Variants in ACKR2 observed in about 807,000 individuals in gnomAD.
ACKR2 encodes atypical chemokine receptor 2.
For synonymous variants in ACKR2, 207 were observed against 192.2 expected (o/e 1.08, Z -0.64); for missense variants, 457 against 477.3 (o/e 0.96, Z 0.40).
intron 2 of ACKR2, among the ~76,000 whole-genome samples, chr3:42,837,281 A>G (rs1700995507): frequency 6.6e-6 from 1 of 151,966 alleles, no homozygotes; most frequent in Admixed American, 6.6e-5. Context: ...TAGTGGTGCA[A>G]TCTCAGCTCA....
intron 2 of ACKR2, among the ~76,000 whole-genome samples, chr3:42,840,711 G>A (rs1052136965): frequency 1.3e-5 from 2 of 152,162 alleles, no homozygotes; most frequent in East Asian, 1.9e-4. Context: ...TTGTTGAGAC[G>A]GAGTCTCGCT....
chr3:42,834,183 C>T (rs1700962024), intron 2 of ACKR2, among the ~76,000 whole-genome samples: 1 of 152,168 alleles, frequency 6.6e-6, no homozygotes, highest in Non-Finnish European at 1.5e-5. Context: ...GTCTCGAACT[C>T]CTGACCTCAG....
intron 2 of ACKR2, among the ~76,000 whole-genome samples, chr3:42,820,274 T>C (rs1290692819): frequency 6.6e-6 from 1 of 152,174 alleles, no homozygotes; most frequent in African/African-American, 2.4e-5. Context: ...ACTCTCCGTA[T>C]GTTGATGTTT....
intron 2 of ACKR2, among the ~76,000 whole-genome samples, chr3:42,828,011 G>T (rs925122592): frequency 6.6e-6 from 1 of 150,496 alleles, no homozygotes; most frequent in Admixed American, 6.6e-5. Context: ...AAGTCAACAG[G>T]GAAAGGAAAG....
In ACKR2 at chr3:42,865,102, C is replaced by G; in HGVS notation, c.600C>G (p.Gly200=). The change falls in exon 3 of 3, where the codon GGC becomes GGG. Residue 200 remains glycine (G), a synonymous_variant. Transcript: ENST00000422265. ...KGVWNCHADF[G]GHGTIWKLFL... is the part of the protein sequence containing the mutation. ...TGTGGAACTGCCACGCAGATTTCGG[C>G]GGGCATGGGACCATTTGGAAGCTCT... The G allele has an allele frequency of 6.2e-7, 1 of 1,613,868 alleles. No homozygotes were observed. Among genetic ancestry groups the G allele is most frequent in the Non-Finnish European group, 8.5e-7 (1 of 1,179,906 alleles).
Position 42,864,490 on chromosome 3 carries a change from A to G in ACKR2, c.-13A>G. ...GCACTACAGGACGTCGGGACTGGGC[A>G]TTTCCTTCCAACATGGCCGCCACTG... On this transcript the variant is annotated 5_prime_UTR_variant, in exon 3 of 3. Coordinates refer to ENST00000422265, the MANE Select transcript of ACKR2 (RefSeq NM_001296.5). The G allele has an allele frequency of 6.3e-7, 1 of 1,584,038 alleles. No individual in the cohort carries two copies. Among genetic ancestry groups the G allele is most frequent in the Non-Finnish European group, 8.6e-7 (1 of 1,164,300 alleles).
chr3:42,847,314 G>C (rs1055095342), intron 2 of ACKR2, among the ~76,000 whole-genome samples: 1 of 152,232 alleles, frequency 6.6e-6, no homozygotes, highest in Admixed American at 6.5e-5. Context: ...TGAGTGGCCA[G>C]CGGGGGCCAG....
intron 2 of ACKR2, among the ~76,000 whole-genome samples, chr3:42,857,186 T>C (rs2088330304): frequency 6.6e-6 from 1 of 152,078 alleles, no homozygotes; most frequent in African/African-American, 2.4e-5. Flanking sequence ...ATATGTTTTG[T>C]TTCATTTGTC....
In ACKR2 at chr3:42,864,476, C is replaced by T. The variant is rs762750713; in HGVS notation, c.-27C>T. The T allele has an allele frequency of 1.3e-6, 2 of 1,568,374 alleles. No individual in the cohort carries two copies. Among genetic ancestry groups the T allele is most frequent in the African/African-American group, 1.4e-5 (1 of 73,770 alleles). The stretch of plus-strand genomic sequence containing the variant: ...ATTTTCCCCCCGCAGCACTACAGGA[C>T]GTCGGGACTGGGCATTTCCTTCCAA... On this transcript the variant is annotated 5_prime_UTR_variant, in exon 3 of 3. In the 5' UTR this introduces an upstream ATG that the reference lacks. Coordinates refer to ENST00000422265, the MANE Select transcript of ACKR2 (RefSeq NM_001296.5).
chr3:42,831,030 C>CAA (rs201837698), intron 2 of ACKR2, among the ~76,000 whole-genome samples: 1 of 146,174 alleles, frequency 6.8e-6, no homozygotes, highest in South Asian at 2.1e-4. Flanking sequence ...AAACTTCAGG[C>CAA]AAAAAAAATA....
At chr3:42,860,525 C>T (rs1273698865) in intron 2 of ACKR2, among the ~76,000 whole-genome samples, 5 of 152,180 alleles carry the variant, frequency 3.3e-5, no homozygotes, top group Non-Finnish European at 4.4e-5. Flanking sequence ...CAGAACTCTC[C>T]ACCCTAAATC....
rs754306715 is a variant in ACKR2, at chr3:42,864,967, G to A, written c.465G>A (p.Leu155=). The A allele has an allele frequency of 2.0e-5, 32 of 1,614,032 alleles. No homozygotes were observed. The highest frequency in any genetic ancestry group is 3.3e-4 in the Middle Eastern group (2 of 6,084). The change falls in exon 3 of 3, where the codon CTG becomes CTA. Residue 155 remains leucine, a synonymous_variant. Coordinates refer to ENST00000422265, the MANE Select transcript of ACKR2 (RefSeq NM_001296.5). ...TTCATGCTCAGCCCTACCACAGGCTGAGGACCCGGGCCAAGAGCCTGCTCC... is the reference window on the plus strand; with the variant it reads ...TTCATGCTCAGCCCTACCACAGGCTAAGGACCCGGGCCAAGAGCCTGCTCC... ...EIVHAQPYHR[L]RTRAKSLLLA... is the part of the protein sequence containing the mutation.
chr3:42,832,518 G>T (rs77727151), intron 2 of ACKR2, among the ~76,000 whole-genome samples: 7,770 of 151,406 alleles, frequency 0.051, 254 homozygotes, highest in South Asian at 0.12. Context: ...AAAAAAAAAA[G>T]AAAGAAAAAG....
At chr3:42,818,813 C>T (rs762695811) in intron 1 of ACKR2, among the ~76,000 whole-genome samples, 6 of 152,148 alleles carry the variant, frequency 3.9e-5, no homozygotes, top group Admixed American at 3.9e-4. Context: ...CTGCCCGGCT[C>T]GGCCTCCTAA....
rs184047532 is a variant in ACKR2, at chr3:42,829,635, A to G, written c.-38+9924A>G. Among the ~76,000 whole-genome samples, 18 of 152,240 alleles carry G rather than the reference A, an allele frequency of 1.2e-4. No homozygotes were observed. In the East Asian group the frequency reaches 3.3e-3, roughly 28 times the overall value. On this transcript the variant is annotated intron_variant, in intron 2 of 2. Coordinates refer to ENST00000422265, the MANE Select transcript of ACKR2 (RefSeq NM_001296.5). ...AGTTGTACCCTCTCTAATTTTATAGATAGGGACCCTGTGGCCTAAAGAGGA... is the reference window on the plus strand; with the variant it reads ...AGTTGTACCCTCTCTAATTTTATAGGTAGGGACCCTGTGGCCTAAAGAGGA...
At chr3:42,864,425 A>G (rs2088412695) in intron 2 of ACKR2, 41 bp from the exon 3 acceptor site, 2 of 1,508,780 alleles carry the variant, frequency 1.3e-6, no homozygotes, top group Non-Finnish European at 1.8e-6. Context: ...GTTTAGAGAA[A>G]GGTAGAGAAT....
At chr3:42,834,750 T>A (rs556722269) in intron 2 of ACKR2, 3 of 151,750 alleles carry the variant, frequency 2.0e-5, no homozygotes, top group African/African-American at 7.3e-5. Flanking sequence ...GCTAATTTTT[T>A]GTATTTTTAG....
In ACKR2 at chr3:42,852,750, G is replaced by T. The variant is rs1323778206; in HGVS notation, c.-37-11716G>T. Among the ~76,000 whole-genome samples the T allele has an allele frequency of 1.3e-5, 2 of 152,208 alleles. No individual in the cohort carries two copies. Among genetic ancestry groups the T allele is most frequent in the Non-Finnish European group, 2.9e-5 (2 of 68,032 alleles). ...TAAGATGTTCCTGTGGGTTATTTTT[G>T]CAGTGGTAGCATCTCAGGGGACTTT... On this transcript the variant is annotated intron_variant, in intron 2 of 2. Transcript: ENST00000422265. This position sits in a 1 kb window ranked among gnomAD's most constrained non-coding sequence, Gnocchi z 4.3.
Position 42,865,658 on chromosome 3 carries a change from G to A in ACKR2, c.*1G>A. On this transcript the variant is annotated 3_prime_UTR_variant, in exon 3 of 3. Transcript: ENST00000422265. ...GGATGTGGGGAATAAATCAGCCTGA[G>A]TGACCAAATTTTGGTCTGGTGGGAA... 1 of 1,600,320 alleles carries A rather than the reference G, an allele frequency of 6.2e-7. No individual in the cohort carries two copies. Among genetic ancestry groups the A allele is most frequent in the Non-Finnish European group, 8.5e-7 (1 of 1,172,660 alleles).
Sources: allele counts gnomAD v4.1 joint callset (sites outside exome capture counted in the v4.1 genomes callset), GRCh38; gene constraint gnomAD v4.1.1; non-coding constraint Gnocchi (gnomAD v3.1); transcripts MANE v1.5; gene names NCBI Gene and HGNC (gene_info 2026-07-23, HGNC 2026-07-21).